ARMH4: variants seen among roughly 807,000 people sequenced by gnomAD.
The protein encoded by ARMH4 is armadillo-like helical domain-containing protein 4.
A neutral mutation model predicts 61.9 loss-of-function variants in ARMH4; 49 were observed. The observed-to-expected ratio is 0.79, with a 90% CI of 0.63 to 1.00. The LOEUF (loss-of-function observed/expected upper bound fraction) is 1.00, where lower values mean the gene tolerates loss of function less well. ARMH4 is among the 50% of genes least tolerant of loss of function. ARMH4 has a pLI of 0.00. For synonymous variants in ARMH4, 368 were observed against 341.5 expected (o/e 1.08, Z -0.85); for missense variants, 934 against 930.0 (o/e 1.00, Z -0.06).
At chr14:58,125,737 C>A (rs1886874827) in intron 4 of ARMH4, among the ~76,000 whole-genome samples, 1 of 152,180 alleles carries the variant, frequency 6.6e-6, no homozygotes, top group South Asian at 2.1e-4. Context: ...CCTACTATGC[C>A]CCAATTCAGC....
chr14:58,134,091 A>G (rs535274492), intron 2 of ARMH4, among the ~76,000 whole-genome samples: 1 of 152,376 alleles, frequency 6.6e-6, no homozygotes, highest in African/African-American at 2.4e-5. Context: ...AAGATTAGAT[A>G]ACACAAGTAA....
intron 5 of ARMH4, among the ~76,000 whole-genome samples, chr14:58,059,380 A>C (rs1373365145): frequency 1.3e-5 from 2 of 152,268 alleles, no homozygotes; most frequent in Non-Finnish European, 2.9e-5. Flanking sequence ...GTGCAACCCC[A>C]GACAGTGATA....
At chr14:58,119,786 A>G (rs998381084) in intron 4 of ARMH4, among the ~76,000 whole-genome samples, 7 of 152,220 alleles carry the variant, frequency 4.6e-5, no homozygotes, top group Non-Finnish European at 1.0e-4. Flanking sequence ...TCCAGTTGTT[A>G]AAAGCTATTC....
chr14:58,116,925 C>A (rs1266930532), intron 4 of ARMH4, among the ~76,000 whole-genome samples: 4 of 152,116 alleles, frequency 2.6e-5, no homozygotes, highest in African/African-American at 9.7e-5. Context: ...AGCCCTGTAG[C>A]AATAATTACA....
chr14:58,115,231 T>C (rs1886479583), intron 4 of ARMH4, among the ~76,000 whole-genome samples: 1 of 151,666 alleles, frequency 6.6e-6, no homozygotes, highest in South Asian at 2.1e-4. Context: ...ATGAGAAATT[T>C]AAACAATTCA....
chr14:58,127,398 T>C (rs1440641724), intron 4 of ARMH4, among the ~76,000 whole-genome samples: 2 of 152,184 alleles, frequency 1.3e-5, no homozygotes, highest in African/African-American at 2.4e-5. Flanking sequence ...ACAAGCTCTC[T>C]TGCCTGCTGT....
intron 6 of ARMH4, among the ~76,000 whole-genome samples, chr14:58,008,878 T>C (rs1345119330): frequency 6.6e-6 from 1 of 152,232 alleles, no homozygotes; most frequent in Non-Finnish European, 1.5e-5. Context: ...AAGAAATAGA[T>C]TGGTTTTATT....
intron 5 of ARMH4, among the ~76,000 whole-genome samples, chr14:58,088,355 T>A (rs1288954837): frequency 6.6e-6 from 1 of 152,160 alleles, no homozygotes; most frequent in African/African-American, 2.4e-5. Context: ...TCTTATGTGT[T>A]CATTTCTCTT....
intron 5 of ARMH4, among the ~76,000 whole-genome samples, chr14:58,051,474 C>T (rs1469799618): frequency 6.6e-6 from 1 of 152,180 alleles, no homozygotes; most frequent in Admixed American, 6.5e-5. Flanking sequence ...ACTGAATGTT[C>T]AACTGATGGA....
chr14:58,015,180 T>C (rs1420535968), intron 5 of ARMH4, among the ~76,000 whole-genome samples: 1 of 152,190 alleles, frequency 6.6e-6, no homozygotes, highest in African/African-American at 2.4e-5. Context: ...GAGTCCTACT[T>C]TGGATGATTA....
chr14:58,053,296 T>TGGCACCCATGTGCTATTCCAC (rs1884206706), intron 5 of ARMH4, among the ~76,000 whole-genome samples: 1 of 152,238 alleles, frequency 6.6e-6, no homozygotes, highest in Admixed American at 6.5e-5. Context: ...TGCCATTCCA[T>TGGCACCCATGTGCTATTCCAC]GGCACCCATG....
intron 5 of ARMH4, among the ~76,000 whole-genome samples, chr14:58,028,190 TC>T: frequency 6.6e-6 from 1 of 152,344 alleles, no homozygotes; most frequent in South Asian, 2.1e-4. Context: ...TTATTTACTT[TC>T]CCTCCTGCTG....
chr14:58,140,707 C>T (rs1392265924), intron 1 of ARMH4, among the ~76,000 whole-genome samples: 2 of 152,018 alleles, frequency 1.3e-5, no homozygotes, highest in Non-Finnish European at 2.9e-5. Context: ...TCAAGACCAG[C>T]CTGGCCAACA....
chr14:58,059,991 T>A (rs1884477552), intron 5 of ARMH4, among the ~76,000 whole-genome samples: 1 of 152,158 alleles, frequency 6.6e-6, no homozygotes, highest in African/African-American at 2.4e-5. Flanking sequence ...TGTCAATACG[T>A]AGAAAATAAA....
intron 5 of ARMH4, among the ~76,000 whole-genome samples, chr14:58,056,506 T>C (rs1884353366): frequency 6.6e-6 from 1 of 152,186 alleles, no homozygotes; most frequent in South Asian, 2.1e-4. Flanking sequence ...AGAGATGCTT[T>C]AGGAGGAGAA....
intron 4 of ARMH4, among the ~76,000 whole-genome samples, chr14:58,121,400 A>C (rs1886717029): frequency 6.6e-6 from 1 of 152,214 alleles, no homozygotes; most frequent in Non-Finnish European, 1.5e-5. Flanking sequence ...CCAACTCTAC[A>C]AGGTTTACTT....
chr14:58,071,817 A>G (rs927592261), intron 5 of ARMH4, among the ~76,000 whole-genome samples: 4 of 152,272 alleles, frequency 2.6e-5, no homozygotes, highest in African/African-American at 9.6e-5. Flanking sequence ...TAAAATCAGG[A>G]GGAAGGATAT....
intron 4 of ARMH4, among the ~76,000 whole-genome samples, chr14:58,105,493 C>A (rs1256321391): frequency 1.3e-5 from 2 of 151,986 alleles, no homozygotes; most frequent in East Asian, 3.9e-4. Flanking sequence ...TTGAGACCAT[C>A]CTGGCCAACA....
intron 5 of ARMH4, among the ~76,000 whole-genome samples, chr14:58,043,729 C>T (rs1883815806): frequency 6.6e-6 from 1 of 152,204 alleles, no homozygotes; most frequent in Admixed American, 6.5e-5. Flanking sequence ...CCAAAATCTC[C>T]TTAAGCTGAT....
Sources: allele counts gnomAD v4.1 joint callset (sites outside exome capture counted in the v4.1 genomes callset), GRCh38; gene constraint gnomAD v4.1.1; transcripts MANE v1.5; gene names NCBI Gene and HGNC (gene_info 2026-07-23, HGNC 2026-07-21).